The following CUBN variants were observed in gnomAD, a reference collection of about 807,000 sequenced individuals.
CUBN encodes 460 kDa receptor.
Under a neutral mutation model 405.3 loss-of-function variants are expected in CUBN, and 282 were observed. The ratio of observed to expected loss-of-function variants is 0.70; its 90% CI spans 0.63 to 0.77. The LOEUF is 0.77. CUBN is among the 30% of genes least tolerant of loss of function. CUBN has a pLI of 0.00. For synonymous variants in CUBN, 1,684 were observed against 1,617.0 expected (o/e 1.04, Z -0.99); for missense variants, 4,514 against 4,475.2 (o/e 1.01, Z -0.25).
At chr10:16,988,339 A>T (rs1833488114) in intron 29 of CUBN, among the ~76,000 whole-genome samples, 1 of 152,194 alleles carries the variant, frequency 6.6e-6, no homozygotes, top group South Asian at 2.1e-4. Flanking sequence ...CATTCTGCAC[A>T]TGGATGCTAG....
chr10:17,060,012 G>A (rs1835469319), intron 22 of CUBN, among the ~76,000 whole-genome samples: 1 of 151,920 alleles, frequency 6.6e-6, no homozygotes. Context: ...TCAGGTTCCT[G>A]GAGATTAAAT....
At chr10:17,070,731 A>G (rs1835721541) in intron 19 of CUBN, among the ~76,000 whole-genome samples, 4 of 152,158 alleles carry the variant, frequency 2.6e-5, no homozygotes, top group Admixed American at 2.6e-4. Flanking sequence ...AACTTGCTGA[A>G]TGGATTAGTT....
chr10:17,104,622 CACAT>C lies in CUBN; in HGVS notation c.1231-21_1231-18del. On this transcript the variant is annotated intron_variant, in intron 11 of 66. Transcript: ENST00000377833. Reference sequence around the variant, plus strand: ...GACAGTGTCCTAAGGGGAAAAAAAACACATAATACCATAAAACAAATGGATAGAC... The same window carrying C: ...GACAGTGTCCTAAGGGGAAAAAAAACAATACCATAAAACAAATGGATAGAC... 1 of 1,595,584 alleles carries C rather than the reference CACAT, an allele frequency of 6.3e-7. No individual in the cohort carries two copies. Among genetic ancestry groups the C allele is most frequent in the South Asian group, 1.1e-5 (1 of 89,706 alleles).
At chr10:16,910,453 G>A (rs1401847113) in intron 48 of CUBN, among the ~76,000 whole-genome samples, 1 of 152,152 alleles carries the variant, frequency 6.6e-6, no homozygotes, top group Non-Finnish European at 1.5e-5. Flanking sequence ...AGACTCAGAA[G>A]AAAAATTAAT....
intron 51 of CUBN, among the ~76,000 whole-genome samples, chr10:16,902,931 A>G (rs1588634787): frequency 6.6e-6 from 1 of 152,274 alleles, no homozygotes; most frequent in South Asian, 2.1e-4. Context: ...ATCTAAACAA[A>G]CTGGCATGCT....
In CUBN at chr10:16,851,229, C is replaced by G. The variant is rs1217708439; in HGVS notation, c.9663+6G>C. 3 of 1,607,190 alleles carry G rather than the reference C, an allele frequency of 1.9e-6. No homozygotes were observed. The highest frequency in any genetic ancestry group is 1.7e-5 in the Admixed American group (1 of 60,022). ...AGACTCTGTTAAAAAAATAAAACAG[C>G]CTTACCTTTACATAATCATAAAGGC... On this transcript the variant is annotated splice_donor_region_variant and intron_variant, in intron 60 of 66. Transcript: ENST00000377833.
Position 16,947,293 on chromosome 10 carries a change from C to T in CUBN, c.5284G>A (p.Val1762Met). The change falls in exon 36 of 67, where the codon GTG (valine) becomes ATG (methionine). Residue 1762 changes from valine (V) to methionine (M), a missense_variant. Val to Met is a conservative substitution (Grantham distance 21, BLOSUM62 1). Transcript: ENST00000377833. ...CTGACGATGTTCCAGACACATTCCA[C>T]ATTAGGGGGATAAATGTCTGGGTAG... ...PGYPDIYPPN[V>M]ECVWNIVSSP... is the part of the protein sequence containing the mutation. The T allele has an allele frequency of 2.5e-6, 4 of 1,614,062 alleles. No individual in the cohort carries two copies. Among genetic ancestry groups the T allele is most frequent in the Non-Finnish European group, 3.4e-6 (4 of 1,179,974 alleles).
chr10:16,864,527 T>C (rs1046394096), intron 59 of CUBN, among the ~76,000 whole-genome samples: 1 of 152,212 alleles, frequency 6.6e-6, no homozygotes, highest in Non-Finnish European at 1.5e-5. Context: ...ATATTTCAAA[T>C]TGATCAGTTT....
chr10:17,002,665 T>A (rs754378053), intron 28 of CUBN, among the ~76,000 whole-genome samples: 1 of 152,132 alleles, frequency 6.6e-6, no homozygotes, highest in Non-Finnish European at 1.5e-5. Flanking sequence ...AGGAGTGAGC[T>A]TTTCCACTCA....
chr10:16,993,948 T>A (rs1378381675), intron 28 of CUBN, among the ~76,000 whole-genome samples: 1 of 152,222 alleles, frequency 6.6e-6, no homozygotes, highest in Non-Finnish European at 1.5e-5. Context: ...AGGATTAACA[T>A]ATCAAAAGGA....
At chr10:17,113,293 C>T (rs1588651207) in intron 8 of CUBN, among the ~76,000 whole-genome samples, 1 of 152,142 alleles carries the variant, frequency 6.6e-6, no homozygotes, top group East Asian at 1.9e-4. Context: ...CAAAACAAAA[C>T]CAGCTACTAT....
At chr10:16,917,841 G>C (rs1463710139) in intron 45 of CUBN, among the ~76,000 whole-genome samples, 1 of 151,892 alleles carries the variant, frequency 6.6e-6, no homozygotes, top group Non-Finnish European at 1.5e-5. Context: ...AAAAGTCATG[G>C]TTTTTAAAAA....
chr10:16,976,541 G>A (rs1833102643), intron 31 of CUBN, among the ~76,000 whole-genome samples: 1 of 150,140 alleles, frequency 6.7e-6, no homozygotes, highest in African/African-American at 2.5e-5. Flanking sequence ...TATTTATCCT[G>A]CTTTGCTGTT....
At chr10:17,025,241 T>G (rs193094191) in intron 27 of CUBN, among the ~76,000 whole-genome samples, 1 of 152,232 alleles carries the variant, frequency 6.6e-6, no homozygotes, top group Non-Finnish European at 1.5e-5. Flanking sequence ...TTTTGAGAAC[T>G]ATACTCAATC....
In CUBN at chr10:16,944,674, C is replaced by G. The variant is rs117067103; in HGVS notation, c.5342+2561G>C. Among the ~76,000 whole-genome samples, 49 of 152,282 alleles carry G rather than the reference C, an allele frequency of 3.2e-4. 1 individual carries two copies. In the East Asian group the frequency reaches 9.3e-3, roughly 29 times the overall value. ...AAAAATAAAACTCAAGCAAGTAACT[C>G]AGAGGAATCAAAATTAACTTCTTAC... On this transcript the variant is annotated intron_variant, in intron 36 of 66. Coordinates refer to ENST00000377833, the MANE Select transcript of CUBN (RefSeq NM_001081.4).
chr10:16,970,897 A>C (rs1035760113), intron 31 of CUBN, among the ~76,000 whole-genome samples: 5 of 152,118 alleles, frequency 3.3e-5, no homozygotes, highest in African/African-American at 1.2e-4. Context: ...ACGAACTCTA[A>C]GCTTTCTTCT....
At position 16,982,669 on chromosome 10, in the gene CUBN, A is replaced by C. The variant is rs751294892; in HGVS notation, c.4526-16T>G. On this transcript the variant is annotated splice_polypyrimidine_tract_variant and intron_variant, in intron 30 of 66. Coordinates refer to ENST00000377833, the MANE Select transcript of CUBN (RefSeq NM_001081.4). Reference sequence around the variant, plus strand: ...CCACCACAACCTGGAAGTGGGGAACACAATTATTTCATGAGAGGAATCATG... The same window carrying C: ...CCACCACAACCTGGAAGTGGGGAACCCAATTATTTCATGAGAGGAATCATG... 6 of 1,607,640 alleles carry C rather than the reference A, an allele frequency of 3.7e-6. No individual in the cohort carries two copies. The African/African-American group carries it at 6.7e-5, about 18-fold the overall frequency.
Position 17,068,698 on chromosome 10 carries a change from T to G in CUBN, c.2698A>C (p.Thr900Pro). 6.2e-7 allele frequency: 1 copy of G among 1,612,228 alleles called. No homozygotes were observed. Among genetic ancestry groups the G allele is most frequent in the Non-Finnish European group, 8.5e-7 (1 of 1,178,570 alleles). ...ACATAAAGAAAATTGTACACAGATG[T>G]TATAAATGAAGGTATGTCTGTACCG... ...YCGTDIPSFI[T>P]SVYNFLYVTF... Residue 900 changes from threonine (T) to proline (P), a missense_variant, in exon 20 of 67, where the codon ACA becomes CCA. By Grantham distance (38) the Thr-to-Pro change is conservative. Coordinates refer to ENST00000377833, the MANE Select transcript of CUBN (RefSeq NM_001081.4).
chr10:17,082,723 T>C (rs1405033542), intron 17 of CUBN, among the ~76,000 whole-genome samples: 1 of 152,212 alleles, frequency 6.6e-6, no homozygotes, highest in African/African-American at 2.4e-5. Context: ...GTAGTCAACG[T>C]CACACAATTG....
Sources: gnomAD v4.1 joint callset for allele counts (sites outside exome capture counted in the v4.1 genomes callset) on GRCh38, gnomAD v4.1.1 for gene constraint, MANE v1.5 for transcripts, NCBI Gene and HGNC (gene_info 2026-07-23, HGNC 2026-07-21) for gene names.